ZNF865: variants seen among roughly 807,000 people sequenced by gnomAD.
The protein encoded by ZNF865 is zinc finger protein 865.
For missense variants in ZNF865, 1,311 were observed against 1,593.4 expected (o/e 0.82, Z 3.02); for synonymous variants, 763 against 750.8 (o/e 1.02, Z -0.27).
chr19:55,610,837 G>C (rs1239559460), intron 1 of ZNF865, among the ~76,000 whole-genome samples: 1 of 152,178 alleles, frequency 6.6e-6, no homozygotes, highest in Non-Finnish European at 1.5e-5. Context: ...TGATGGGGTG[G>C]GGAGTGCTGA....
chr19:55,615,642 G>A lies in ZNF865; in HGVS notation c.2024G>A (p.Gly675Asp). The change falls in exon 2 of 2, where the codon GGC (glycine) becomes GAC (aspartate). Residue 675 changes from glycine to aspartate, a missense_variant. Physicochemically the swap from Gly to Asp is moderately conservative, Grantham distance 94. Coordinates refer to ENST00000568956, the MANE Select transcript of ZNF865 (RefSeq NM_001195605.2). ...CTGAGCTACGCCTGCTCGGACTGCG[G>A]CGAGCACTTCCCGGATCTCTTTCAC... ...DGLSYACSDC[G>D]EHFPDLFHVM... The A allele has an allele frequency of 6.5e-7, 1 of 1,534,642 alleles. No individual in the cohort carries two copies. The highest frequency in any genetic ancestry group is 8.7e-7 in the Non-Finnish European group (1 of 1,146,266).
rs1250645007 is a variant in ZNF865, at chr19:55,614,039, G to A, written c.421G>A (p.Ala141Thr). 2 of 1,485,682 alleles carry A rather than the reference G, an allele frequency of 1.3e-6. No homozygotes were observed. Among genetic ancestry groups the A allele is most frequent in the Non-Finnish European group, 8.9e-7 (1 of 1,121,726 alleles). 92.0% of individuals were successfully genotyped at this position (1,485,682 alleles called of 1,614,324 possible). Residue 141 changes from alanine (A) to threonine (T), a missense_variant, in exon 2 of 2, where the codon GCT becomes ACT. Physicochemically the swap from Ala to Thr is moderately conservative, Grantham distance 58. Transcript: ENST00000568956. The surrounding 1 kb of genome is among the most constrained non-coding windows in gnomAD (Gnocchi z 8.0). ...GCCCCCTCCTCCCCTCTTTGACGCT[G>A]CTTTCCCCACTCCGCAGTGGGGCAT... ...GAPPPPLFDAAFPTPQWGIVD... is the reference protein window; with the variant it reads ...GAPPPPLFDATFPTPQWGIVD...
chr19:55,615,025 T>C lies in ZNF865; in HGVS notation c.1407T>C (p.Ala469=), dbSNP rs945354170. ...CCGCCCACGCCCCGCCCGCTGCCGCTGCGGAGGCGCCCAAGGACGGGGCGG... is the reference window on the plus strand; with the variant it reads ...CCGCCCACGCCCCGCCCGCTGCCGCCGCGGAGGCGCCCAAGGACGGGGCGG... ...HKAAHAPPAA[A]AEAPKDGAAS... The change falls in exon 2 of 2, where the codon GCT becomes GCC. Residue 469 remains alanine (A), a synonymous_variant. Transcript: ENST00000568956. The C allele has an allele frequency of 6.3e-5, 83 of 1,320,584 alleles. No homozygotes were observed. The highest frequency in any genetic ancestry group is 7.7e-5 in the Non-Finnish European group (80 of 1,039,474). The allele number at this position is 1,320,584 out of a possible 1,614,324, so 81.8% of individuals were successfully genotyped here. A position where few individuals can be genotyped will look rare whatever the true frequency, so the allele number is the denominator to read the frequency against.
In ZNF865 at chr19:55,614,523, G is replaced by A; in HGVS notation, c.905G>A (p.Ser302Asn). 2 of 1,332,738 alleles carry A rather than the reference G, an allele frequency of 1.5e-6. No individual in the cohort carries two copies. Among genetic ancestry groups the A allele is most frequent in the South Asian group, 1.7e-5 (1 of 57,558 alleles). 82.6% of individuals were successfully genotyped at this position (1,332,738 alleles called of 1,614,324 possible). Residue 302 changes from serine to asparagine, a missense_variant, in exon 2 of 2, where the codon AGC becomes AAC. Physicochemically the swap from Ser to Asn is conservative, Grantham distance 46. Coordinates refer to ENST00000568956, the MANE Select transcript of ZNF865 (RefSeq NM_001195605.2). The surrounding 1 kb of genome is among the most constrained non-coding windows in gnomAD (Gnocchi z 8.0). ...PPLGLPAPAASAATAAAPSTV... is the reference protein window; with the variant it reads ...PPLGLPAPAANAATAAAPSTV... The stretch of plus-strand genomic sequence containing the variant: ...CTGGGCCTCCCAGCACCCGCTGCCA[G>A]CGCCGCCACCGCCGCCGCCCCCTCC...
At chr19:55,612,499 A>G (rs1187047778) in intron 1 of ZNF865, 1 of 152,096 alleles carries the variant, frequency 6.6e-6, no homozygotes, top group African/African-American at 2.4e-5. Flanking sequence ...CGTATCTTCA[A>G]TTTTTTAATT....
Position 55,614,124 on chromosome 19 carries a change from C to T in ZNF865, c.506C>T (p.Ser169Phe). Residue 169 changes from serine (S) to phenylalanine (F), a missense_variant, in exon 2 of 2, where the codon TCC (serine) becomes TTC (phenylalanine). Physicochemically the swap from Ser to Phe is radical, Grantham distance 155 (BLOSUM62 -2). Coordinates refer to ENST00000568956, the MANE Select transcript of ZNF865 (RefSeq NM_001195605.2). The surrounding 1 kb of genome is among the most constrained non-coding windows in gnomAD (Gnocchi z 8.0). The part of the protein sequence containing the change: ...FGNLKRGGPA[S>F]GPGVTPGLGA... ...AACCTGAAGCGAGGAGGGCCCGCGTCCGGGCCGGGGGTGACGCCTGGGCTG... is the reference window on the plus strand; with the variant it reads ...AACCTGAAGCGAGGAGGGCCCGCGTTCGGGCCGGGGGTGACGCCTGGGCTG... 1 of 1,433,378 alleles carries T rather than the reference C, an allele frequency of 7.0e-7. No homozygotes were observed. Among genetic ancestry groups the T allele is most frequent in the Non-Finnish European group, 9.1e-7 (1 of 1,103,110 alleles). 88.8% of individuals were successfully genotyped at this position (1,433,378 alleles called of 1,614,324 possible). A position where few individuals can be genotyped will look rare whatever the true frequency, so the allele number is the denominator to read the frequency against.
Position 55,616,662 on chromosome 19 carries a change from G to C in ZNF865, c.3044G>C (p.Arg1015Pro). 2.0e-6 allele frequency: 3 copies of C among 1,529,398 alleles called. No individual in the cohort carries two copies. Among genetic ancestry groups the C allele is most frequent in the Non-Finnish European group, 1.7e-6 (2 of 1,143,894 alleles). The allele number at this position is 1,529,398 out of a possible 1,614,324, so 94.7% of individuals were successfully genotyped here. Residue 1015 changes from arginine to proline, a missense_variant, in exon 2 of 2, where the codon CGG (arginine) becomes CCG (proline). By Grantham distance (103) the Arg-to-Pro change is moderately radical (BLOSUM62 -2). Transcript: ENST00000568956. ...RKHLAAHQGGRPFRCSSCGEG... is the reference protein window; with the variant it reads ...RKHLAAHQGGPPFRCSSCGEG... ...CACCTGGCTGCCCACCAGGGCGGCC[G>C]GCCCTTCCGCTGCTCCTCCTGCGGC...
In ZNF865 at chr19:55,616,767, G is replaced by A. The variant is rs1981376261; in HGVS notation, c.3149G>A (p.Gly1050Glu). 6.9e-7 allele frequency: 1 copy of A among 1,452,758 alleles called. No individual in the cohort carries two copies. Among genetic ancestry groups the A allele is most frequent in the East Asian group, 2.5e-5 (1 of 39,940 alleles). 90.0% of individuals were successfully genotyped at this position (1,452,758 alleles called of 1,614,324 possible). ...KAENLGGPGA[G>E]AGTLAGKDA ...GAGAACCTCGGGGGGCCTGGAGCAG[G>A]GGCGGGCACCTTGGCCGGGAAGGAT... Residue 1050 changes from glycine to glutamate, a missense_variant, in exon 2 of 2, where the codon GGG becomes GAG. By Grantham distance (98) the Gly-to-Glu change is moderately conservative (BLOSUM62 -2). Transcript: ENST00000568956.
At position 55,614,116 on chromosome 19, in the gene ZNF865, G is replaced by T. The variant is rs987989282; in HGVS notation, c.498G>T (p.Gly166=). The stretch of plus-strand genomic sequence containing the variant: ...TGTTTGGGAACCTGAAGCGAGGAGG[G>T]CCCGCGTCCGGGCCGGGGGTGACGC... ...QHLFGNLKRG[G]PASGPGVTPG... is the part of the protein sequence containing the mutation. The change falls in exon 2 of 2, where the codon GGG becomes GGT. Residue 166 remains glycine, a synonymous_variant. Transcript: ENST00000568956. The surrounding 1 kb of genome is among the most constrained non-coding windows in gnomAD (Gnocchi z 8.0). 14 of 1,433,698 alleles carry T rather than the reference G, an allele frequency of 9.8e-6. No homozygotes were observed. In the African/African-American group the frequency reaches 1.8e-4, roughly 18 times the overall value. 88.8% of individuals were successfully genotyped at this position (1,433,698 alleles called of 1,614,324 possible). A position where few individuals can be genotyped will look rare whatever the true frequency, so the allele number is the denominator to read the frequency against.
In ZNF865 at chr19:55,613,750, C is replaced by T. The variant is rs751309317; in HGVS notation, c.132C>T (p.Pro44=). The T allele has an allele frequency of 8.9e-5, 136 of 1,534,560 alleles. No individual in the cohort carries two copies. The highest frequency in any genetic ancestry group is 9.9e-5 in the Non-Finnish European group (114 of 1,146,204). The change falls in exon 2 of 2, where the codon CCC becomes CCT. Residue 44 remains proline (P), a synonymous_variant. Transcript: ENST00000568956. ...TCCTCAACCACCAGCGCTTCGAGCCCATGGAACTGTATGGGGAACACGCCA... is the reference window on the plus strand; with the variant it reads ...TCCTCAACCACCAGCGCTTCGAGCCTATGGAACTGTATGGGGAACACGCCA... ...LEFLNHQRFE[P]MELYGEHAKA... is the part of the protein sequence containing the mutation.
chr19:55,613,533 T>C lies in ZNF865; in HGVS notation c.-26-60T>C, dbSNP rs1172694554. On this transcript the variant is annotated intron_variant, in intron 1 of 1. Coordinates refer to ENST00000568956, the MANE Select transcript of ZNF865 (RefSeq NM_001195605.2). ...TGGATGAGTGGGCGCACAGCTCCAT[T>C]CACCTGCGGGGAGACCCAGCGCCGC... 4 of 1,386,736 alleles carry C rather than the reference T, an allele frequency of 2.9e-6. No homozygotes were observed. The African/African-American group carries it at 5.9e-5, about 20-fold the overall frequency. 85.9% of individuals were successfully genotyped at this position (1,386,736 alleles called of 1,614,324 possible).
At chr19:55,612,039 C>T (rs1981156455) in intron 1 of ZNF865, among the ~76,000 whole-genome samples, 1 of 152,158 alleles carries the variant, frequency 6.6e-6, no homozygotes, top group African/African-American at 2.4e-5. Flanking sequence ...AGAAGCCCCA[C>T]TAAGGGCAAG....
intron 1 of ZNF865, among the ~76,000 whole-genome samples, chr19:55,606,378 G>T (rs1023496450): frequency 1.3e-5 from 2 of 152,084 alleles, no homozygotes; most frequent in Non-Finnish European, 2.9e-5. Context: ...CAGCGGCACA[G>T]CTCCCTCTAG....
Position 55,615,360 on chromosome 19 carries a change from C to G in ZNF865, c.1742C>G (p.Pro581Arg). 6.6e-7 allele frequency: 1 copy of G among 1,510,444 alleles called. No homozygotes were observed. Among genetic ancestry groups the G allele is most frequent in the Non-Finnish European group, 8.8e-7 (1 of 1,135,936 alleles). 93.6% of individuals were successfully genotyped at this position (1,510,444 alleles called of 1,614,324 possible). ...IHTGEKPHQC[P>R]VCGKRFRESF... ...ACGGGCGAGAAGCCCCACCAGTGCC[C>G]CGTGTGTGGGAAGCGCTTCCGCGAA... is the stretch of plus-strand genomic sequence containing the variant. The change falls in exon 2 of 2, where the codon CCC (proline) becomes CGC (arginine). Residue 581 changes from proline to arginine, a missense_variant. Pro to Arg is a moderately radical substitution (Grantham distance 103, BLOSUM62 -2). Coordinates refer to ENST00000568956, the MANE Select transcript of ZNF865 (RefSeq NM_001195605.2).
At chr19:55,606,357 C>G (rs1490528859) in intron 1 of ZNF865, among the ~76,000 whole-genome samples, 1 of 138,246 alleles carries the variant, frequency 7.2e-6, no homozygotes, top group African/African-American at 2.8e-5. Context: ...TTCAAAGCCA[C>G]CCCCCCATCG....
chr19:55,615,045 G>A lies in ZNF865; in HGVS notation c.1427G>A (p.Gly476Glu). Residue 476 changes from glycine (G) to glutamate (E), a missense_variant, in exon 2 of 2, where the codon GGG (glycine) becomes GAG (glutamate). Coordinates refer to ENST00000568956, the MANE Select transcript of ZNF865 (RefSeq NM_001195605.2). ...PAAAAEAPKD[G>E]AASAPQPPPT... ...GCCGCTGCGGAGGCGCCCAAGGACG[G>A]GGCGGCCTCGGCCCCGCAGCCCCCG... 4.0e-6 allele frequency: 5 copies of A among 1,258,508 alleles called. No homozygotes were observed. The highest frequency in any genetic ancestry group is 1.6e-5 in the African/African-American group (1 of 62,436). The allele number at this position is 1,258,508 out of a possible 1,614,324, so 78.0% of individuals were successfully genotyped here. A position where few individuals can be genotyped will look rare whatever the true frequency, so the allele number is the denominator to read the frequency against.
At chr19:55,606,314 G>T (rs927851427) in intron 1 of ZNF865, among the ~76,000 whole-genome samples, 2 of 152,000 alleles carry the variant, frequency 1.3e-5, no homozygotes, top group African/African-American at 4.8e-5. Flanking sequence ...CCCTTCTGCA[G>T]GTCCTCCAGT....
chr19:55,606,492 C>A (rs1056571846), intron 1 of ZNF865, among the ~76,000 whole-genome samples: 1 of 152,236 alleles, frequency 6.6e-6, no homozygotes, highest in Non-Finnish European at 1.5e-5. Flanking sequence ...ACCCCACCCT[C>A]ATCGCGGTCA....
Position 55,614,862 on chromosome 19 carries a change from C to A in ZNF865, c.1244C>A (p.Ala415Asp). The A allele has an allele frequency of 6.6e-7, 1 of 1,519,032 alleles. No individual in the cohort carries two copies. The highest frequency in any genetic ancestry group is 8.8e-7 in the Non-Finnish European group (1 of 1,137,378). The allele number at this position is 1,519,032 out of a possible 1,614,324, so 94.1% of individuals were successfully genotyped here. A position where few individuals can be genotyped will look rare whatever the true frequency, so the allele number is the denominator to read the frequency against. Residue 415 changes from alanine (A) to aspartate (D), a missense_variant, in exon 2 of 2, where the codon GCC (alanine) becomes GAC (aspartate). Coordinates refer to ENST00000568956, the MANE Select transcript of ZNF865 (RefSeq NM_001195605.2). This position sits in a 1 kb window ranked among gnomAD's most constrained non-coding sequence, Gnocchi z 8.0. ...CTGCCCTGCGGCATCTGCGGGAAGG[C>A]CTTCCGCGACGCCTCCTACCTCCTC... ...LRLPCGICGK[A>D]FRDASYLLKH...
Sources: allele counts gnomAD v4.1 joint callset (sites outside exome capture counted in the v4.1 genomes callset), GRCh38; gene constraint gnomAD v4.1.1; non-coding constraint Gnocchi (gnomAD v3.1); transcripts MANE v1.5; gene names NCBI Gene and HGNC (gene_info 2026-07-23, HGNC 2026-07-21).